WDR59: variants seen among roughly 807,000 people sequenced by gnomAD.
WDR59 encodes the protein GATOR2 complex protein WDR59.
WDR59 carries 100 observed loss-of-function variants against 131.2 expected under a neutral mutation model. The observed-to-expected ratio is 0.76, with a 90% confidence interval of 0.65 to 0.90. The LOEUF (loss-of-function observed/expected upper bound fraction) is 0.90, where lower values mean the gene tolerates loss of function less well. WDR59 is among the 40% of genes least tolerant of loss of function. The pLI, the probability that WDR59 is intolerant of heterozygous loss-of-function variation, is 0.00. For missense variants in WDR59, 1,203 were observed against 1,262.2 expected (o/e 0.95, Z 0.71); for synonymous variants, 601 against 466.2 (o/e 1.29, Z -3.72).
intron 3 of WDR59, among the ~76,000 whole-genome samples, chr16:74,953,724 G>A (rs141055714): frequency 0.016 from 2,489 of 151,528 alleles, 53 homozygotes; most frequent in African/African-American, 0.058. Flanking sequence ...AGGCAAGGCC[G>A]GGCGTGGTGT....
At chr16:74,977,202 T>G (rs182971379) in intron 1 of WDR59, among the ~76,000 whole-genome samples, 1 of 151,452 alleles carries the variant, frequency 6.6e-6, no homozygotes, top group Admixed American at 6.6e-5. Context: ...TGACTGTGAA[T>G]AGGCACTCCA....
At chr16:74,920,830 C>T (rs1342219288) in intron 10 of WDR59, among the ~76,000 whole-genome samples, 5 of 152,142 alleles carry the variant, frequency 3.3e-5, no homozygotes, top group African/African-American at 1.2e-4. Flanking sequence ...CAAACCTAAA[C>T]TACTTTTAGG....
rs1597708436 is a variant in WDR59, at chr16:74,915,959, C to T, written c.1135G>A (p.Glu379Lys). Reference protein sequence around the residue: ...KEDPPRNLLEERKSDQLGLPQ... With the variant: ...KEDPPRNLLEKRKSDQLGLPQ... The stretch of plus-strand genomic sequence containing the variant: ...AGCCCCAGTTGATCTGATTTCCTCT[C>T]TTCCAGGAGATTTCTAGGGGGATCT... The change falls in exon 13 of 26, where the codon GAG becomes AAG. Residue 379 changes from glutamate (E) to lysine (K), a missense_variant. Transcript: ENST00000262144. 6.2e-7 allele frequency: 1 copy of T among 1,614,200 alleles called. No individual in the cohort carries two copies. The highest frequency in any genetic ancestry group is 8.5e-7 in the Non-Finnish European group (1 of 1,180,032).
At chr16:74,921,282 T>C (rs916468854) in intron 10 of WDR59, among the ~76,000 whole-genome samples, 2 of 151,968 alleles carry the variant, frequency 1.3e-5, no homozygotes, top group Non-Finnish European at 2.9e-5. Flanking sequence ...GTCTTTATTA[T>C]TCCCCTCTTC....
chr16:74,969,726 G>A (rs1485118337), intron 1 of WDR59, among the ~76,000 whole-genome samples: 2 of 151,170 alleles, frequency 1.3e-5, no homozygotes, highest in East Asian at 2.0e-4. Flanking sequence ...GTGCCACCAC[G>A]CCCGGCTCAT....
rs138483538 is a variant in WDR59, at chr16:74,894,151, G to T, written c.1867-339C>A. 1.5e-3 allele frequency among the ~76,000 whole-genome samples: 223 copies of T among 152,318 alleles called. No homozygotes were observed. In the Middle Eastern group the frequency reaches 0.02, roughly 14 times the overall value. On this transcript the variant is annotated intron_variant, in intron 18 of 25. Transcript: ENST00000262144. The stretch of plus-strand genomic sequence containing the variant: ...CAAAAATGTGGGAGAACAATTTTTA[G>T]ATTGAATTCAGTCCTAGGTTCAAAA...
rs1350242932 is a variant in WDR59, at chr16:74,950,731, G to A, written c.326+727C>T. Among the ~76,000 whole-genome samples, 6 of 152,284 alleles carry A rather than the reference G, an allele frequency of 3.9e-5. No homozygotes were observed. In the East Asian group the frequency reaches 5.8e-4, roughly 15 times the overall value. On this transcript the variant is annotated intron_variant, in intron 4 of 25. Transcript: ENST00000262144. ...GTGCCCTTGGGTAATGAACTGTGACGCAGGAGCTCTGTAACCGCTGCTGCC... is the reference window on the plus strand; with the variant it reads ...GTGCCCTTGGGTAATGAACTGTGACACAGGAGCTCTGTAACCGCTGCTGCC...
At chr16:74,915,849 A>ACC (rs1491295450) in intron 13 of WDR59, 21 bp downstream of exon 13, 1 of 1,614,216 alleles carries the variant, frequency 6.2e-7, no homozygotes. Context: ...AACATGAGAT[A>ACC]CAGTTGATTA....
In WDR59 at chr16:74,874,107, T is replaced by TG; in HGVS notation, c.*101dup. ...TTGGGGGATCATCCTCCGGTCTCAC[T>TG]GGGGACGAACCCAGGTTCTGGAGCC... On this transcript the variant is annotated 3_prime_UTR_variant, in exon 26 of 26. Coordinates refer to ENST00000262144, the MANE Select transcript of WDR59 (RefSeq NM_030581.4). 2.0e-6 allele frequency: 2 copies of TG among 995,772 alleles called. No homozygotes were observed. Among genetic ancestry groups the TG allele is most frequent in the Non-Finnish European group, 3.0e-6 (2 of 671,464 alleles). 61.7% of individuals were successfully genotyped at this position (995,772 alleles called of 1,614,324 possible).
Position 74,874,287 on chromosome 16 carries a change from G to T in WDR59, c.2847C>A (p.His949Gln). ...CCTGGGTCCGAAACCACTCCATCAT[G>T]TGGCTGGTGTGGCCACCGTGCCCAC... ...LTCGHGGHTS[H>Q]MMEWFRTQEV... is the part of the protein sequence containing the mutation. The change falls in exon 26 of 26, where the codon CAC becomes CAA. Residue 949 changes from histidine (H) to glutamine (Q), a missense_variant. By Grantham distance (24) the His-to-Gln change is conservative. Coordinates refer to ENST00000262144, the MANE Select transcript of WDR59 (RefSeq NM_030581.4). 6.2e-7 allele frequency: 1 copy of T among 1,614,066 alleles called. No homozygotes were observed. The highest frequency in any genetic ancestry group is 8.5e-7 in the Non-Finnish European group (1 of 1,180,026).
At position 74,909,482 on chromosome 16, in the gene WDR59, A is replaced by G. The variant is rs112902684; in HGVS notation, c.1642+19T>C. On this transcript the variant is annotated intron_variant, in intron 16 of 25. Transcript: ENST00000262144. ...TGCTCCCTCTCGAAATCTAGAATCA[A>G]AGAACCAAAGAGACCCACCTGCTCC... 2.6e-3 allele frequency: 4,020 copies of G among 1,523,220 alleles called. 129 individuals carry two copies. In the South Asian group the frequency reaches 0.046, roughly 17 times the overall value. The allele number at this position is 1,523,220 out of a possible 1,614,324, so 94.4% of individuals were successfully genotyped here.
At chr16:74,923,611 G>C (rs774039618) in intron 9 of WDR59, among the ~76,000 whole-genome samples, 16 of 152,200 alleles carry the variant, frequency 1.1e-4, no homozygotes, top group Middle Eastern at 3.4e-3. Context: ...CCAAGTAGCT[G>C]GGACTACAGG....
At chr16:74,940,771 T>C (rs1477447509) in intron 7 of WDR59, among the ~76,000 whole-genome samples, 1 of 152,120 alleles carries the variant, frequency 6.6e-6, no homozygotes, top group Non-Finnish European at 1.5e-5. Context: ...AGTGGCGCGA[T>C]CTCGGCTCAC....
At chr16:74,945,588 C>A (rs753637821) in intron 6 of WDR59, among the ~76,000 whole-genome samples, 1 of 152,206 alleles carries the variant, frequency 6.6e-6, no homozygotes, top group South Asian at 2.1e-4. Context: ...CCCTCTGCAG[C>A]CAGTCTATGT....
At chr16:74,932,916 T>C (rs888060294) in intron 8 of WDR59, among the ~76,000 whole-genome samples, 6 of 152,206 alleles carry the variant, frequency 3.9e-5, no homozygotes, top group Non-Finnish European at 7.3e-5. Flanking sequence ...TGTAAGAGGA[T>C]GTGTTTGCAA....
chr16:74,963,618 T>C (rs975324029), intron 2 of WDR59, among the ~76,000 whole-genome samples: 12 of 152,050 alleles, frequency 7.9e-5, no homozygotes, highest in Non-Finnish European at 1.5e-4. Flanking sequence ...AGCATCGGGA[T>C]AAATAGCTAA....
At chr16:74,956,355 C>T in intron 3 of WDR59, 120 bp downstream of exon 3, 1 of 1,338,162 alleles carries the variant, frequency 7.5e-7, no homozygotes, top group Non-Finnish European at 9.9e-7. Flanking sequence ...CAGAACCATC[C>T]AAACCTCTTT....
At chr16:74,982,678 T>A (rs986423050) in intron 1 of WDR59, among the ~76,000 whole-genome samples, 2 of 152,204 alleles carry the variant, frequency 1.3e-5, no homozygotes, top group African/African-American at 4.8e-5. Flanking sequence ...GGAATATGGT[T>A]CCTTTTCCAA....
In WDR59 at chr16:74,940,475, TAAA is replaced by T. The variant is rs1469094234; in HGVS notation, c.535-2212_535-2210del. Reference sequence around the variant, plus strand: ...TATTAATCAATAAATGTAAAACTCTTAAAAGAAGGCCTATGTACAATAAATGCT... The same window carrying T: ...TATTAATCAATAAATGTAAAACTCTTAGAAGGCCTATGTACAATAAATGCT... On this transcript the variant is annotated intron_variant, in intron 7 of 25. Coordinates refer to ENST00000262144, the MANE Select transcript of WDR59 (RefSeq NM_030581.4). Among the ~76,000 whole-genome samples, 12 of 152,192 alleles carry T rather than the reference TAAA, an allele frequency of 7.9e-5. No individual in the cohort carries two copies. The Middle Eastern group carries it at 0.01, about 129-fold the overall frequency.
Sources: gnomAD v4.1 joint callset for allele counts (sites outside exome capture counted in the v4.1 genomes callset) on GRCh38, gnomAD v4.1.1 for gene constraint, MANE v1.5 for transcripts, NCBI Gene and HGNC (gene_info 2026-07-23, HGNC 2026-07-21) for gene names.